The following PRPF39 variants were observed in gnomAD, a reference collection of about 807,000 sequenced individuals.
The protein encoded by PRPF39 is pre-mRNA processing factor 39.
PRPF39 carries 27 observed loss-of-function variants against 82.1 expected under a neutral mutation model. The observed-to-expected ratio is 0.33, with a 90% confidence interval of 0.24 to 0.45. PRPF39 has a LOEUF of 0.45. PRPF39 is among the 20% of genes least tolerant of loss of function. The pLI, the probability that PRPF39 is intolerant of heterozygous loss-of-function variation, is 1.00. For missense variants in PRPF39, 581 were observed against 796.9 expected, an observed-to-expected ratio of 0.73 and a Z score of 3.26; for synonymous variants, 261 against 256.4, an observed-to-expected ratio of 1.02 and a Z score of -0.17.
intron 6 of PRPF39, among the ~76,000 whole-genome samples, chr14:45,107,921 T>C (rs1884585562): frequency 1.3e-5 from 2 of 151,328 alleles, no homozygotes; most frequent in Admixed American, 1.3e-4. Context: ...AGAGCAAGAC[T>C]CCATCTCGGG....
Position 45,110,282 on chromosome 14 carries a change from C to T in PRPF39, c.1303+62C>T. 1 of 1,590,768 alleles carries T rather than the reference C, an allele frequency of 6.3e-7. No homozygotes were observed. The highest frequency in any genetic ancestry group is 8.6e-7 in the Non-Finnish European group (1 of 1,163,566). The stretch of plus-strand genomic sequence containing the variant: ...TTTAAGTTATTTCAGGAAACAGTGA[C>T]AAATTGAGTGGTAAGGGATGGTGTA... On this transcript the variant is annotated intron_variant, in intron 9 of 13. Coordinates refer to ENST00000355765, the MANE Select transcript of PRPF39 (RefSeq NM_017922.4). The surrounding 1 kb of genome is among the most constrained non-coding windows in gnomAD (Gnocchi z 4.0).
At chr14:45,100,029 A>G (rs1041241290) in intron 4 of PRPF39, among the ~76,000 whole-genome samples, 1 of 152,116 alleles carries the variant, frequency 6.6e-6, no homozygotes, top group Admixed American at 6.5e-5. Flanking sequence ...GGAGTTCGAG[A>G]CCAGTCTGGC....
intron 1 of PRPF39, among the ~76,000 whole-genome samples, chr14:45,087,118 G>A (rs1883855668): frequency 6.6e-6 from 1 of 152,122 alleles, no homozygotes; most frequent in Non-Finnish European, 1.5e-5. Flanking sequence ...AATTTTTTAA[G>A]GTGTATTATT....
intron 1 of PRPF39, among the ~76,000 whole-genome samples, chr14:45,093,072 A>G (rs1261324881): frequency 6.6e-6 from 1 of 152,072 alleles, no homozygotes; most frequent in East Asian, 1.9e-4. Context: ...CCAGTTTTGT[A>G]TTTTATTTTA....
At chr14:45,096,329 C>T (rs535011530) in intron 3 of PRPF39, 101 bp downstream of exon 3, 71 of 1,503,930 alleles carry the variant, frequency 4.7e-5, no homozygotes, top group Non-Finnish European at 6.1e-5. Context: ...CTGGCAGTAC[C>T]TACCATTTAT....
In PRPF39 at chr14:45,095,223, C is replaced by A. The variant is rs181579901; in HGVS notation, c.-17C>A. On this transcript the variant is annotated splice_region_variant and 5_prime_UTR_variant, in exon 2 of 14. Coordinates refer to ENST00000355765, the MANE Select transcript of PRPF39 (RefSeq NM_017922.4). ...CTCTTTTTTTCGTGTTTCCACAGAT[C>A]GTTAACTGAAGACAATATGCAAAAT... The A allele has an allele frequency of 3.2e-6, 5 of 1,539,146 alleles. No individual in the cohort carries two copies. Among genetic ancestry groups the A allele is most frequent in the African/African-American group, 1.4e-5 (1 of 72,654 alleles).
Position 45,110,363 on chromosome 14 carries a change from TCTGA to T in PRPF39, c.1303+146_1303+149del. ...GGGCCAGATAGTAAAAGCCACGTGT[TCTGA>T]CTTTCAGGCTTTGTAAGCCATTGTA... On this transcript the variant is annotated intron_variant, in intron 9 of 13. Transcript: ENST00000355765. The surrounding 1 kb of genome is among the most constrained non-coding windows in gnomAD (Gnocchi z 4.0). 7 of 1,319,930 alleles carry T rather than the reference TCTGA, an allele frequency of 5.3e-6. No individual in the cohort carries two copies. The South Asian group carries it at 1.1e-4, about 20-fold the overall frequency. 81.8% of individuals were successfully genotyped at this position (1,319,930 alleles called of 1,614,324 possible).
At position 45,107,584 on chromosome 14, in the gene PRPF39, T is replaced by C; in HGVS notation, c.871T>C (p.Ser291Pro). 3 of 1,552,472 alleles carry C rather than the reference T, an allele frequency of 1.9e-6. No homozygotes were observed. Among genetic ancestry groups the C allele is most frequent in the Non-Finnish European group, 2.6e-6 (3 of 1,147,164 alleles). Residue 291 changes from serine to proline, a missense_variant, in exon 6 of 14, where the codon TCG (serine) becomes CCG (proline). By Grantham distance (74) the Ser-to-Pro change is moderately conservative (BLOSUM62 -1). Coordinates refer to ENST00000355765, the MANE Select transcript of PRPF39 (RefSeq NM_017922.4). Reference sequence around the variant, plus strand: ...TGGTCCTCCTGGTGATGATCTACCATCGGGAATTGAAGACATAACCGATCC... The same window carrying C: ...TGGTCCTCCTGGTGATGATCTACCACCGGGAATTGAAGACATAACCGATCC... ...DDGPPGDDLPSGIEDITDPAK... is the reference protein window; with the variant it reads ...DDGPPGDDLPPGIEDITDPAK...
intron 5 of PRPF39, among the ~76,000 whole-genome samples, chr14:45,105,129 C>T (rs932351746): frequency 2.0e-5 from 3 of 152,138 alleles, no homozygotes; most frequent in African/African-American, 4.8e-5. Context: ...ATATATTAGG[C>T]AGTCAGCCAG....
At chr14:45,111,079 T>C (rs1026187492) in intron 10 of PRPF39, 19 of 401,528 alleles carry the variant, frequency 4.7e-5, no homozygotes, top group South Asian at 4.2e-4. Context: ...TTAGAAATTA[T>C]CAACAAATTT....
chr14:45,092,541 C>CA (rs1361121258), intron 1 of PRPF39, among the ~76,000 whole-genome samples: 1 of 142,200 alleles, frequency 7.0e-6, no homozygotes, highest in Non-Finnish European at 1.5e-5. Flanking sequence ...GCGAGGGCTG[C>CA]AGTGAGCCGA....
In PRPF39 at chr14:45,116,132, G is replaced by T; in HGVS notation, c.*1219G>T. The stretch of plus-strand genomic sequence containing the variant: ...ATAGTAACAAGTTCTAACTAGTTGT[G>T]TAAATTTCTTCAAGGCCAAGTTTTA... On this transcript the variant is annotated 3_prime_UTR_variant, in exon 14 of 14. Transcript: ENST00000355765. 2 of 1,150,462 alleles carry T rather than the reference G, an allele frequency of 1.7e-6. No homozygotes were observed. The highest frequency in any genetic ancestry group is 2.6e-6 in the Non-Finnish European group (2 of 765,670). The allele number at this position is 1,150,462 out of a possible 1,614,324, so 71.3% of individuals were successfully genotyped here. A position where few individuals can be genotyped will look rare whatever the true frequency, so the allele number is the denominator to read the frequency against.
chr14:45,114,637 C>T, intron 13 of PRPF39, 23 bp downstream of exon 13: 1 of 1,587,928 alleles, frequency 6.3e-7, no homozygotes, highest in Non-Finnish European at 8.5e-7. Flanking sequence ...AATTATAATT[C>T]TTTGTTCATA....
At chr14:45,102,208 C>T (rs1884397294) in intron 4 of PRPF39, among the ~76,000 whole-genome samples, 2 of 152,176 alleles carry the variant, frequency 1.3e-5, no homozygotes, top group Admixed American at 1.3e-4. Flanking sequence ...TGTCATAAAT[C>T]AATCTATACA....
chr14:45,113,309 G>A (rs898922543), intron 11 of PRPF39, among the ~76,000 whole-genome samples: 35 of 152,168 alleles, frequency 2.3e-4, no homozygotes, highest in African/African-American at 9.7e-5. Context: ...ATATATTTGC[G>A]TGCTTGGCAT....
chr14:45,107,733 C>A, intron 6 of PRPF39, 117 bp downstream of exon 6: 2 of 984,062 alleles, frequency 2.0e-6, no homozygotes, highest in Non-Finnish European at 2.9e-6. Context: ...GTTTGAGACC[C>A]ATGTAGGCAA....
chr14:45,095,204 T>G lies in PRPF39; in HGVS notation c.-19-17T>G. On this transcript the variant is annotated splice_polypyrimidine_tract_variant and intron_variant, in intron 1 of 13. Transcript: ENST00000355765. Reference sequence around the variant, plus strand: ...TGGCATTTGGAAGATATTTCTCTTTTTTTCGTGTTTCCACAGATCGTTAAC... The same window carrying G: ...TGGCATTTGGAAGATATTTCTCTTTGTTTCGTGTTTCCACAGATCGTTAAC... The G allele has an allele frequency of 6.8e-7, 1 of 1,464,098 alleles. No individual in the cohort carries two copies. The highest frequency in any genetic ancestry group is 9.3e-7 in the Non-Finnish European group (1 of 1,077,288). 90.7% of individuals were successfully genotyped at this position (1,464,098 alleles called of 1,614,324 possible). A position where few individuals can be genotyped will look rare whatever the true frequency, so the allele number is the denominator to read the frequency against.
chr14:45,084,456 G>A (rs1259045210), intron 1 of PRPF39, among the ~76,000 whole-genome samples: 2 of 152,156 alleles, frequency 1.3e-5, no homozygotes, highest in Non-Finnish European at 2.9e-5. Context: ...TTTTTTCTTA[G>A]ACCAAACGTT....
At chr14:45,106,816 T>C (rs1884547594) in intron 5 of PRPF39, among the ~76,000 whole-genome samples, 1 of 152,080 alleles carries the variant, frequency 6.6e-6, no homozygotes, top group African/African-American at 2.4e-5. Flanking sequence ...AGAAGGGGAA[T>C]AAGACATAGA....
Sources: gnomAD v4.1 joint callset for allele counts (sites outside exome capture counted in the v4.1 genomes callset) on GRCh38, gnomAD v4.1.1 for gene constraint, Gnocchi (gnomAD v3.1) non-coding constraint, MANE v1.5 for transcripts, NCBI Gene and HGNC (gene_info 2026-07-23, HGNC 2026-07-21) for gene names.